TENT5A: variants seen among roughly 807,000 people sequenced by gnomAD.
TENT5A encodes HBV X-transactivated gene 11 protein.
TENT5A carries 9 observed loss-of-function variants against 30.2 expected under a neutral mutation model. That is an observed-to-expected ratio of 0.30 (90% CI 0.18 to 0.52). The LOEUF (loss-of-function observed/expected upper bound fraction) is 0.52, where lower values mean the gene tolerates loss of function less well. Among genes scored for constraint, TENT5A ranks in the 20% least tolerant of loss-of-function variants. The pLI is 0.97. For synonymous variants in TENT5A, 264 were observed against 234.2 expected (o/e 1.13, Z -1.16); for missense variants, 411 against 566.1 (o/e 0.73, Z 2.78).
rs1050035207 is a variant in TENT5A, at chr6:81,749,031, G to A, written c.*664C>T. The A allele has an allele frequency of 1.0e-6, 1 of 985,644 alleles. No homozygotes were observed. Among genetic ancestry groups the A allele is most frequent in the Non-Finnish European group, 1.2e-6 (1 of 829,910 alleles). The allele number at this position is 985,644 out of a possible 1,614,324, so 61.1% of individuals were successfully genotyped here. A position where few individuals can be genotyped will look rare whatever the true frequency, so the allele number is the denominator to read the frequency against. On this transcript the variant is annotated 3_prime_UTR_variant, in exon 3 of 3. Coordinates refer to ENST00000320172, the MANE Select transcript of TENT5A (RefSeq NM_017633.3). ...GCTTGCATTTTTACATTTTAAAAAT[G>A]TGATCTATGCACGCAGCTGGAATTA...
Position 81,746,185 on chromosome 6 carries a change from T to C in TENT5A, c.*3510A>G, listed in dbSNP as rs957536581. 16 of 1,041,572 alleles carry C rather than the reference T, an allele frequency of 1.5e-5. No individual in the cohort carries two copies. Among genetic ancestry groups the C allele is most frequent in the Non-Finnish European group, 1.8e-5 (16 of 865,960 alleles). The allele number at this position is 1,041,572 out of a possible 1,614,324, so 64.5% of individuals were successfully genotyped here. A position where few individuals can be genotyped will look rare whatever the true frequency, so the allele number is the denominator to read the frequency against. ...AGATTATATTCAAATAGATGCTATA[T>C]ATGAAATTACTTTTTTTGGCTTTTT... On this transcript the variant is annotated 3_prime_UTR_variant, in exon 3 of 3. Coordinates refer to ENST00000320172, the MANE Select transcript of TENT5A (RefSeq NM_017633.3).
chr6:81,749,363 A>G lies in TENT5A; in HGVS notation c.*332T>C. The G allele has an allele frequency of 9.4e-7, 1 of 1,065,456 alleles. No individual in the cohort carries two copies. Among genetic ancestry groups the G allele is most frequent in the Non-Finnish European group, 1.1e-6 (1 of 882,814 alleles). 66.0% of individuals were successfully genotyped at this position (1,065,456 alleles called of 1,614,324 possible). A position where few individuals can be genotyped will look rare whatever the true frequency, so the allele number is the denominator to read the frequency against. On this transcript the variant is annotated 3_prime_UTR_variant, in exon 3 of 3. Coordinates refer to ENST00000320172, the MANE Select transcript of TENT5A (RefSeq NM_017633.3). ...TTTTTTCCTATGGCAAAGCTATGGG[A>G]GCAGATACAGCAAACCCATATTGTC... is the stretch of plus-strand genomic sequence containing the variant.
At position 81,749,717 on chromosome 6, in the gene TENT5A, G is replaced by A. The variant is rs759649898; in HGVS notation, c.1307C>T (p.Ser436Phe). 2.5e-6 allele frequency: 4 copies of A among 1,613,404 alleles called. No homozygotes were observed. Among genetic ancestry groups the A allele is most frequent in the South Asian group, 2.2e-5 (2 of 91,044 alleles). ...PVFTCQQQTY[S>F]TWLPCN ...TTCTTAATTGCAGGGTAGCCAAGTG[G>A]AGTAGGTCTGTTGCTGGCACGTGAA... is the stretch of plus-strand genomic sequence containing the variant. The change falls in exon 3 of 3, where the codon TCC (serine) becomes TTC (phenylalanine). Residue 436 changes from serine (S) to phenylalanine (F), a missense_variant. By Grantham distance (155) the Ser-to-Phe change is radical. This residue lies in a region of TENT5A where 75 missense variants were observed against 80.9 expected (regional missense o/e 0.93). Transcript: ENST00000320172.
In TENT5A at chr6:81,749,347, A is replaced by G. The variant is rs1460281143; in HGVS notation, c.*348T>C. 1.6e-5 allele frequency: 17 copies of G among 1,035,246 alleles called. No individual in the cohort carries two copies. Among genetic ancestry groups the G allele is most frequent in the Non-Finnish European group, 2.0e-5 (17 of 863,992 alleles). 64.1% of individuals were successfully genotyped at this position (1,035,246 alleles called of 1,614,324 possible). ...GAAACTTTCCACTTTTTTTTTTCCT[A>G]TGGCAAAGCTATGGGAGCAGATACA... On this transcript the variant is annotated 3_prime_UTR_variant, in exon 3 of 3. Transcript: ENST00000320172.
rs544297165 is a variant in TENT5A at position 81,752,434 on chromosome 6, G to A, written c.-41C>T. The A allele has an allele frequency of 1.4e-4, 219 of 1,550,194 alleles. 4 individuals are homozygous for A. In the South Asian group the frequency reaches 2.5e-3, roughly 18 times the overall value. On this transcript the variant is annotated 5_prime_UTR_variant, in exon 1 of 3. Coordinates refer to ENST00000320172, the MANE Select transcript of TENT5A (RefSeq NM_017633.3). ...GCGAGAGTCCCGTCTGTGTCACCTG[G>A]AGGCGGCCGCCCCTTCTAGGAGCGC...
Position 81,749,341 on chromosome 6 carries a change from T to C in TENT5A, c.*354A>G. ...TTAAAAGAAACTTTCCACTTTTTTT[T>C]TTCCTATGGCAAAGCTATGGGAGCA... On this transcript the variant is annotated 3_prime_UTR_variant, in exon 3 of 3. Coordinates refer to ENST00000320172, the MANE Select transcript of TENT5A (RefSeq NM_017633.3). 9.7e-7 allele frequency: 1 copy of C among 1,028,854 alleles called. No individual in the cohort carries two copies. Among genetic ancestry groups the C allele is most frequent in the Non-Finnish European group, 1.2e-6 (1 of 859,118 alleles). The allele number at this position is 1,028,854 out of a possible 1,614,324, so 63.7% of individuals were successfully genotyped here. A position where few individuals can be genotyped will look rare whatever the true frequency, so the allele number is the denominator to read the frequency against.
At position 81,749,379 on chromosome 6, in the gene TENT5A, C is replaced by A; in HGVS notation, c.*316G>T. The stretch of plus-strand genomic sequence containing the variant: ...AGCTATGGGAGCAGATACAGCAAAC[C>A]CATATTGTCATCACACATTTCTTCT... On this transcript the variant is annotated 3_prime_UTR_variant, in exon 3 of 3. Coordinates refer to ENST00000320172, the MANE Select transcript of TENT5A (RefSeq NM_017633.3). 9.1e-7 allele frequency: 1 copy of A among 1,103,782 alleles called. No individual in the cohort carries two copies. The highest frequency in any genetic ancestry group is 1.1e-6 in the Non-Finnish European group (1 of 906,648). 68.4% of individuals were successfully genotyped at this position (1,103,782 alleles called of 1,614,324 possible). A position where few individuals can be genotyped will look rare whatever the true frequency, so the allele number is the denominator to read the frequency against.
In TENT5A at chr6:81,747,942, T is replaced by A; in HGVS notation, c.*1753A>T. Reference sequence around the variant, plus strand: ...AAAGAAAATAAAGTTGGATTTGATTTAATGGAAAGCGATTTAAAGTACAGT... The same window carrying A: ...AAAGAAAATAAAGTTGGATTTGATTAAATGGAAAGCGATTTAAAGTACAGT... On this transcript the variant is annotated 3_prime_UTR_variant, in exon 3 of 3. Coordinates refer to ENST00000320172, the MANE Select transcript of TENT5A (RefSeq NM_017633.3). 1.0e-6 allele frequency: 1 copy of A among 985,020 alleles called. No homozygotes were observed. The allele number at this position is 985,020 out of a possible 1,614,324, so 61.0% of individuals were successfully genotyped here.
Position 81,746,447 on chromosome 6 carries a change from T to C in TENT5A, c.*3248A>G. On this transcript the variant is annotated 3_prime_UTR_variant, in exon 3 of 3. Transcript: ENST00000320172. ...TCCTTGGTTTGGATTACACATATTC[T>C]TCCATCCTTGCATTTTTGGAGCTAC... 1 of 1,231,898 alleles carries C rather than the reference T, an allele frequency of 8.1e-7. No individual in the cohort carries two copies. Among genetic ancestry groups the C allele is most frequent in the Non-Finnish European group, 1.0e-6 (1 of 987,768 alleles). 76.3% of individuals were successfully genotyped at this position (1,231,898 alleles called of 1,614,324 possible).
chr6:81,749,035 T>C lies in TENT5A; in HGVS notation c.*660A>G, dbSNP rs1238585534. The C allele has an allele frequency of 1.6e-5, 16 of 985,732 alleles. No individual in the cohort carries two copies. The highest frequency in any genetic ancestry group is 5.2e-4 in the Middle Eastern group (1 of 1,936). The allele number at this position is 985,732 out of a possible 1,614,324, so 61.1% of individuals were successfully genotyped here. A position where few individuals can be genotyped will look rare whatever the true frequency, so the allele number is the denominator to read the frequency against. On this transcript the variant is annotated 3_prime_UTR_variant, in exon 3 of 3. Transcript: ENST00000320172. ...GCATTTTTACATTTTAAAAATGTGATCTATGCACGCAGCTGGAATTAATGG... is the reference window on the plus strand; with the variant it reads ...GCATTTTTACATTTTAAAAATGTGACCTATGCACGCAGCTGGAATTAATGG...
rs41270569 is a variant in TENT5A, at chr6:81,746,866, A to T, written c.*2829T>A. Reference sequence around the variant, plus strand: ...TATATTTCACTGTGTGTTCAACTACATATGCACAAGACTATAGTACACACA... The same window carrying T: ...TATATTTCACTGTGTGTTCAACTACTTATGCACAAGACTATAGTACACACA... On this transcript the variant is annotated 3_prime_UTR_variant, in exon 3 of 3. Coordinates refer to ENST00000320172, the MANE Select transcript of TENT5A (RefSeq NM_017633.3). The T allele has an allele frequency of 0.048, 53,023 of 1,109,928 alleles. 1,670 individuals are homozygous for T. Among genetic ancestry groups the T allele is most frequent in the African/African-American group, 0.14 (8,462 of 61,952 alleles). 68.8% of individuals were successfully genotyped at this position (1,109,928 alleles called of 1,614,324 possible).
At position 81,750,509 on chromosome 6, in the gene TENT5A, GA is replaced by G; in HGVS notation, c.553-39del. 1 of 1,218,858 alleles carries G rather than the reference GA, an allele frequency of 8.2e-7. No homozygotes were observed. Among genetic ancestry groups the G allele is most frequent in the Middle Eastern group, 2.0e-4 (1 of 5,070 alleles). The allele number at this position is 1,218,858 out of a possible 1,614,324, so 75.5% of individuals were successfully genotyped here. ...AGATAAAACAAAATGAGCAAACCTAGAAAATAATAAATCAATAAATAAATAC... is the reference window on the plus strand; with the variant it reads ...AGATAAAACAAAATGAGCAAACCTAGAAATAATAAATCAATAAATAAATAC... On this transcript the variant is annotated intron_variant, in intron 2 of 2. Coordinates refer to ENST00000320172, the MANE Select transcript of TENT5A (RefSeq NM_017633.3). The surrounding 1 kb of genome is among the most constrained non-coding windows in gnomAD (Gnocchi z 4.2).
rs1311215973 is a variant in TENT5A, at chr6:81,752,077, G to A, written c.65C>T (p.Pro22Leu). 1.5e-5 allele frequency: 14 copies of A among 950,512 alleles called. No homozygotes were observed. In the South Asian group the frequency reaches 2.7e-4, roughly 18 times the overall value. 58.9% of individuals were successfully genotyped at this position (950,512 alleles called of 1,614,324 possible). A position where few individuals can be genotyped will look rare whatever the true frequency, so the allele number is the denominator to read the frequency against. ...GCCGCCGCCGAAGTCGCCGCCTAGG[G>A]GGATGTAGGGGCTGCAGGCCAGCTC... ...EDELACSPYI[P>L]LGGDFGGGDF... Residue 22 changes from proline to leucine, a missense_variant, in exon 2 of 3, where the codon CCC becomes CTC. Around this residue, in one of 5 missense-constraint regions of TENT5A, gnomAD observed 34 missense variants for 29.3 expected, o/e 1.16. Transcript: ENST00000320172.
In TENT5A at chr6:81,751,697, G is replaced by A. The variant is rs1769037571; in HGVS notation, c.445C>T (p.Arg149Cys). The A allele has an allele frequency of 6.2e-7, 1 of 1,614,126 alleles. No individual in the cohort carries two copies. The highest frequency in any genetic ancestry group is 8.5e-7 in the Non-Finnish European group (1 of 1,180,046). ...ACAGTCTGAAACTCCCCTTCCCCGC[G>A]CAGGTCGGCGCAGAAGATGAGGTCC... The part of the protein sequence containing the change: ...DLDLIFCADL[R>C]GEGEFQTVKD... Residue 149 changes from arginine to cysteine, a missense_variant, in exon 2 of 3, where the codon CGC becomes TGC. Physicochemically the swap from Arg to Cys is radical, Grantham distance 180. Coordinates refer to ENST00000320172, the MANE Select transcript of TENT5A (RefSeq NM_017633.3).
chr6:81,747,023 GAATATA>G lies in TENT5A; in HGVS notation c.*2666_*2671del. On this transcript the variant is annotated 3_prime_UTR_variant, in exon 3 of 3. Transcript: ENST00000320172. ...ACCAACCCTGAAGTAAGCAAGAAAA[GAATATA>G]AATATTTAAGAAAATAAATCAAAGT... is the stretch of plus-strand genomic sequence containing the variant. 1.0e-6 allele frequency: 1 copy of G among 984,928 alleles called. No individual in the cohort carries two copies. Among genetic ancestry groups the G allele is most frequent in the Non-Finnish European group, 1.2e-6 (1 of 829,362 alleles). The allele number at this position is 984,928 out of a possible 1,614,324, so 61.0% of individuals were successfully genotyped here.
Position 81,749,866 on chromosome 6 carries a change from G to A in TENT5A, c.1158C>T (p.Ile386=), listed in dbSNP as rs1292714316. The A allele has an allele frequency of 1.9e-6, 3 of 1,613,996 alleles. No homozygotes were observed. Among genetic ancestry groups the A allele is most frequent in the Non-Finnish European group, 2.5e-6 (3 of 1,180,038 alleles). The part of the protein sequence containing the change: ...QTLNLITMLA[I]RVLADQNVIP... ...TGACATTTTGGTCAGCTAACACCCG[G>A]ATAGCCAGCATGGTGATAAGGTTTA... The change falls in exon 3 of 3, where the codon ATC becomes ATT. Residue 386 remains isoleucine, a synonymous_variant. Coordinates refer to ENST00000320172, the MANE Select transcript of TENT5A (RefSeq NM_017633.3).
rs765250519 is a variant in TENT5A, at chr6:81,751,815, G to C, written c.327C>G (p.Ala109=). The change falls in exon 2 of 3, where the codon GCC becomes GCG. Residue 109 remains alanine (A), a synonymous_variant. Coordinates refer to ENST00000320172, the MANE Select transcript of TENT5A (RefSeq NM_017633.3). ...CGTCGCGGACGCCAATGCGCTTCTC[G>C]GCCAGGCGCCGCCGCACCACCTTCA... is the stretch of plus-strand genomic sequence containing the variant. The part of the protein sequence containing the change: ...LIVKVVRRRL[A]EKRIGVRDVR... The C allele has an allele frequency of 1.1e-5, 18 of 1,612,530 alleles. No individual in the cohort carries two copies. Among genetic ancestry groups the C allele is most frequent in the Admixed American group, 1.7e-5 (1 of 59,984 alleles).
rs894664844 is a variant in TENT5A, at chr6:81,747,709, G to A, written c.*1986C>T. ...ATCATAGCAAGCAGTCATCCACTAAGGTTGTGGAGATTATGTGGTTGTTTC... is the reference window on the plus strand; with the variant it reads ...ATCATAGCAAGCAGTCATCCACTAAAGTTGTGGAGATTATGTGGTTGTTTC... On this transcript the variant is annotated 3_prime_UTR_variant, in exon 3 of 3. Coordinates refer to ENST00000320172, the MANE Select transcript of TENT5A (RefSeq NM_017633.3). 1.2e-5 allele frequency: 12 copies of A among 985,450 alleles called. No homozygotes were observed. The highest frequency in any genetic ancestry group is 3.5e-5 in the African/African-American group (2 of 57,240). 61.0% of individuals were successfully genotyped at this position (985,450 alleles called of 1,614,324 possible). A position where few individuals can be genotyped will look rare whatever the true frequency, so the allele number is the denominator to read the frequency against.
At chr6:81,751,423 C>T (rs1287003285) in intron 2 of TENT5A, among the ~76,000 whole-genome samples, 167 bp downstream of exon 2, 1 of 152,154 alleles carries the variant, frequency 6.6e-6, no homozygotes, top group African/African-American at 2.4e-5. Context: ...ACACCGTCCA[C>T]GCACGTCAGT....
Sources: allele counts gnomAD v4.1 joint callset (sites outside exome capture counted in the v4.1 genomes callset), GRCh38; gene constraint gnomAD v4.1.1; regional missense constraint gnomAD v4.1.1; non-coding constraint Gnocchi (gnomAD v3.1); transcripts MANE v1.5; gene names NCBI Gene and HGNC (gene_info 2026-07-23, HGNC 2026-07-21).